The following CEP83 variants were observed in gnomAD, a reference collection of about 807,000 sequenced individuals.
The protein encoded by CEP83 is centrosomal protein 83, also known as centrosomal protein of 83 kDa.
Under a neutral mutation model 101.9 loss-of-function variants are expected in CEP83, and 70 were observed. That is an observed-to-expected ratio of 0.69 (90% CI 0.57 to 0.84). The LOEUF (loss-of-function observed/expected upper bound fraction) is 0.84. Ranked by LOEUF, CEP83 falls within the 40% of genes least tolerant of loss-of-function variation. CEP83 has a pLI of 0.00. For synonymous variants in CEP83, 264 were observed against 267.9 expected (o/e 0.99, Z 0.14); for missense variants, 715 against 787.2 (o/e 0.91, Z 1.10).
chr12:94,291,901 C>T, the CEP83 span, among the ~76,000 whole-genome samples: 3 of 152,244 alleles, frequency 2.0e-5, no homozygotes, highest in East Asian at 5.8e-4. Flanking sequence ...CAGCCCTTGC[C>T]CCAGACCCAT....
chr12:94,333,516 T>C lies in CEP83; in HGVS notation c.1543A>G (p.Ser515Gly), dbSNP rs1009153119. 6.2e-7 allele frequency: 1 copy of C among 1,613,636 alleles called. No individual in the cohort carries two copies. Among genetic ancestry groups the C allele is most frequent in the Non-Finnish European group, 8.5e-7 (1 of 1,179,790 alleles). The stretch of plus-strand genomic sequence containing the variant: ...TCTAGTTGCGCTTTTTCAGCTTGGC[T>C]TCTAAAATTTCGGCATTCTTGTTTT... ...RLKQECRNFR[S>G]QAEKAQLEAE... Residue 515 changes from serine (S) to glycine (G), a missense_variant, in exon 13 of 17, where the codon AGC (serine) becomes GGC (glycine). By Grantham distance (56) the Ser-to-Gly change is moderately conservative. Coordinates refer to ENST00000397809, the MANE Select transcript of CEP83 (RefSeq NM_016122.3).
chr12:94,376,595 G>C (rs2061547880), intron 7 of CEP83, among the ~76,000 whole-genome samples: 1 of 151,292 alleles, frequency 6.6e-6, no homozygotes, highest in Non-Finnish European at 1.5e-5. Context: ...AAAAGTTTCT[G>C]GATGGTAATA....
chr12:94,306,594 ACCTTTTAC>A (rs1169957234), downstream of CEP83: 1 of 152,168 alleles, frequency 6.6e-6, no homozygotes, highest in Non-Finnish European at 1.5e-5. Context: ...TGTGGCAGGC[ACCTTTTAC>A]CCTTGGTGCT....
intron 11 of CEP83, among the ~76,000 whole-genome samples, chr12:94,349,732 C>A (rs750821469): frequency 6.6e-6 from 1 of 152,186 alleles, no homozygotes; most frequent in Non-Finnish European, 1.5e-5. Flanking sequence ...CCCACTTTTG[C>A]CACTTCCATT....
In CEP83 at chr12:94,367,956, A is replaced by C. The variant is rs759397787; in HGVS notation, c.1194-13T>G. On this transcript the variant is annotated splice_polypyrimidine_tract_variant and intron_variant, in intron 10 of 16. Transcript: ENST00000397809. ...CTCGAGTTCTAACCTAAAACAAGAG[A>C]TCATAATTATGTTACAAGAACTATA... 18 of 1,610,598 alleles carry C rather than the reference A, an allele frequency of 1.1e-5. No homozygotes were observed. Among genetic ancestry groups the C allele is most frequent in the Non-Finnish European group, 8.5e-7 (1 of 1,178,402 alleles).
intron 15 of CEP83, among the ~76,000 whole-genome samples, chr12:94,311,028 C>T (rs1333314076): frequency 6.6e-6 from 1 of 152,082 alleles, no homozygotes; most frequent in African/African-American, 2.4e-5. Flanking sequence ...GAACTTTCAG[C>T]CCCACTCTCC....
chr12:94,455,891 C>CA (rs944180103), intron 1 of CEP83, among the ~76,000 whole-genome samples: 72 of 150,120 alleles, frequency 4.8e-4, no homozygotes, highest in African/African-American at 1.1e-3. Flanking sequence ...ATTCAAAATA[C>CA]AAAAAAAAAG....
intron 15 of CEP83, among the ~76,000 whole-genome samples, chr12:94,312,061 G>A (rs1399379088): frequency 2.6e-5 from 4 of 151,410 alleles, no homozygotes; most frequent in South Asian, 2.1e-4. Flanking sequence ...AACCATAGAC[G>A]AAGACCCCAT....
chr12:94,301,138 A>C, the CEP83 span: 1 of 1,306,102 alleles, frequency 7.7e-7, no homozygotes, highest in Admixed American at 1.8e-5. Flanking sequence ...TTCAAATAAT[A>C]AACAATTGGT....
At chr12:94,382,252 GT>G (rs1484260756) in intron 6 of CEP83, among the ~76,000 whole-genome samples, 2 of 151,650 alleles carry the variant, frequency 1.3e-5, no homozygotes, top group African/African-American at 4.8e-5. Context: ...CATCTTTTTT[GT>G]TAGTTTTGCT....
the CEP83 span, chr12:94,298,766 T>C: frequency 1.2e-5 from 20 of 1,611,816 alleles, no homozygotes; most frequent in African/African-American, 2.5e-4. Context: ...TCACAGATCC[T>C]GACGTCGTAC....
At chr12:94,404,149 A>G (rs1469322954) in intron 4 of CEP83, among the ~76,000 whole-genome samples, 2 of 152,188 alleles carry the variant, frequency 1.3e-5, no homozygotes, top group Non-Finnish European at 2.9e-5. Flanking sequence ...GTATCTAAAT[A>G]ACTTTATAAA....
At chr12:94,372,056 C>T (rs1251135635) in intron 8 of CEP83, among the ~76,000 whole-genome samples, 2 of 152,188 alleles carry the variant, frequency 1.3e-5, no homozygotes, top group Non-Finnish European at 1.5e-5. Context: ...TTACTGCAAC[C>T]TCTGTCTCCT....
chr12:94,385,474 G>A (rs2062088430), intron 6 of CEP83, among the ~76,000 whole-genome samples: 1 of 152,160 alleles, frequency 6.6e-6, no homozygotes, highest in South Asian at 2.1e-4. Context: ...CAGAGGATGG[G>A]AGCCCTTGTT....
the CEP83 span, chr12:94,297,067 A>C: frequency 1.1e-6 from 1 of 886,478 alleles, no homozygotes; most frequent in South Asian, 1.5e-5. Context: ...GGAGAGCTCA[A>C]GTCAAAAAGC....
At chr12:94,402,945 G>A (rs918925043) in intron 5 of CEP83, 26 of 341,106 alleles carry the variant, frequency 7.6e-5, no homozygotes, top group Non-Finnish European at 1.1e-4. Context: ...ATAAAGAAAC[G>A]CACCAATTCT....
chr12:94,323,287 G>A (rs1346772363), intron 14 of CEP83, among the ~76,000 whole-genome samples: 3 of 152,128 alleles, frequency 2.0e-5, no homozygotes, highest in Non-Finnish European at 4.4e-5. Context: ...AGGGCTCTAC[G>A]TGTATCTGAG....
At chr12:94,393,111 C>T (rs1169397252) in intron 6 of CEP83, among the ~76,000 whole-genome samples, 4 of 152,202 alleles carry the variant, frequency 2.6e-5, no homozygotes, top group Non-Finnish European at 5.9e-5. Flanking sequence ...AGGGAATCCT[C>T]CCTAACTCAT....
chr12:94,451,930 T>C (rs1053821499), intron 1 of CEP83, among the ~76,000 whole-genome samples: 1 of 151,738 alleles, frequency 6.6e-6, no homozygotes, highest in Admixed American at 6.5e-5. Flanking sequence ...GGAAATACTA[T>C]TCACTGGTTA....
Sources: allele counts gnomAD v4.1 joint callset (sites outside exome capture counted in the v4.1 genomes callset), GRCh38; gene constraint gnomAD v4.1.1; transcripts MANE v1.5; gene names NCBI Gene and HGNC (gene_info 2026-07-23, HGNC 2026-07-21).